Variants in BTK observed in about 807,000 individuals in gnomAD.
The protein encoded by BTK is Bruton tyrosine kinase.
BTK carries 5 observed loss-of-function variants against 57.4 expected under a neutral mutation model. The observed-to-expected ratio is 0.09, with a 90% confidence interval of 0.05 to 0.18. The LOEUF (loss-of-function observed/expected upper bound fraction) is 0.18, where lower values mean the gene tolerates loss of function less well. BTK is among the 10% of genes least tolerant of loss of function. BTK has a pLI of 1.00. For synonymous variants in BTK, 154 were observed against 174.3 expected, an observed-to-expected ratio of 0.88 and a Z score of 0.92; for missense variants, 194 against 501.2, an observed-to-expected ratio of 0.39 and a Z score of 5.85.
chrX:101,388,516 C>CG (rs782232627), upstream of BTK, among the ~76,000 whole-genome samples: 14 of 111,688 alleles, frequency 1.3e-4, no homozygotes, highest in Non-Finnish European at 2.3e-4. Context: ...AAAAGTAGCC[C>CG]GGTTAGTCTA....
upstream of BTK, among the ~76,000 whole-genome samples, chrX:101,387,720 A>G (rs1428845605): frequency 1.8e-5 from 2 of 110,815 alleles, no homozygotes; most frequent in Non-Finnish European, 3.8e-5. Context: ...TGATACTCAC[A>G]TTTGCACAAG....
intron 1 of BTK, chrX:101,377,731 T>C (rs2147450672): frequency 8.9e-6 from 1 of 111,850 alleles, no homozygotes; most frequent in Non-Finnish European, 1.9e-5. Flanking sequence ...GGTTTAGTGC[T>C]GCTCTGACTA....
At chrX:101,351,548 C>T (rs1926286942) in intron 18 of BTK, among the ~76,000 whole-genome samples, 2 of 111,381 alleles carry the variant, frequency 1.8e-5, no homozygotes, top group Non-Finnish European at 3.8e-5. Flanking sequence ...TGCTCGGATC[C>T]AGATACCCAC....
intron 15 of BTK, 162 bp downstream of exon 15, chrX:101,355,890 G>A: frequency 1.8e-6 from 1 of 550,778 alleles, no homozygotes; most frequent in Non-Finnish European, 3.1e-6. Flanking sequence ...GATATTTGAT[G>A]GGCTCAGCAC....
rs782362771 is a variant in BTK, at chrX:101,381,292, TCTC to T, written c.-31+4767_-31+4769del. 1.5e-4 allele frequency among the ~76,000 whole-genome samples: 17 copies of T among 111,848 alleles called. 3 individuals are homozygous for T. In the East Asian group the frequency reaches 1.7e-3, roughly 11 times the overall value. ...TTGATTTTTTGATCTCAGAATGAAT[TCTC>T]AGTTACTTAGACAAACTGGCAAACC... On this transcript the variant is annotated intron_variant, in intron 1 of 18. Coordinates refer to ENST00000308731, the MANE Select transcript of BTK (RefSeq NM_000061.3).
At chrX:101,373,466 A>G (rs1927103863) in intron 3 of BTK, among the ~76,000 whole-genome samples, 1 of 112,063 alleles carries the variant, frequency 8.9e-6, no homozygotes, top group African/African-American at 3.2e-5. Context: ...AAGAATATCT[A>G]TTGTCATGGG....
intron 12 of BTK, among the ~76,000 whole-genome samples, chrX:101,357,978 A>G (rs1308675313): frequency 9.0e-6 from 1 of 111,514 alleles, no homozygotes; most frequent in African/African-American, 3.3e-5. Flanking sequence ...AAGGACCTCG[A>G]CTCAGAATGT....
rs1350973568 is a variant in BTK, at chrX:101,359,229, G to A, written c.894+64C>T. On this transcript the variant is annotated intron_variant, in intron 10 of 18. Coordinates refer to ENST00000308731, the MANE Select transcript of BTK (RefSeq NM_000061.3). ...TGCCCAAAGGTAGGGGGCAGAACAG[G>A]CCCTCAGTTCAAGATCCTCACTTAT... 5 of 1,131,938 alleles carry A rather than the reference G, an allele frequency of 4.4e-6. No individual in the cohort carries two copies. The African/African-American group carries it at 9.0e-5, about 20-fold the overall frequency. 93.3% of individuals were successfully genotyped at this position (1,131,938 alleles called of 1,213,427 possible). A position where few individuals can be genotyped will look rare whatever the true frequency, so the allele number is the denominator to read the frequency against.
At chrX:101,390,214 T>C (rs1555982990), upstream of BTK, among the ~76,000 whole-genome samples, 2 of 112,097 alleles carry the variant, frequency 1.8e-5, no homozygotes, top group African/African-American at 6.5e-5. Context: ...CCCTGAAGTC[T>C]TTCTATGCTG....
At chrX:101,390,347 CT>C (rs1927740836), upstream of BTK, 4 of 435,238 alleles carry the variant, frequency 9.2e-6, no homozygotes, top group African/African-American at 2.4e-5. Flanking sequence ...TTCATTGTCA[CT>C]TTTCAGAACC....
intron 1 of BTK, among the ~76,000 whole-genome samples, chrX:101,384,885 T>A (rs1422859524): frequency 2.7e-5 from 3 of 111,622 alleles, no homozygotes; most frequent in Non-Finnish European, 5.6e-5. Context: ...TTGATTGGGG[T>A]CACCAATCAC....
intron 5 of BTK, among the ~76,000 whole-genome samples, chrX:101,366,706 C>T (rs782697918): frequency 1.6e-4 from 17 of 109,187 alleles, no homozygotes; most frequent in Non-Finnish European, 3.1e-4. Flanking sequence ...TAGCCCAGGA[C>T]GGTTCAACAA....
At chrX:101,378,747 C>T (rs939432130) in intron 1 of BTK, among the ~76,000 whole-genome samples, 4 of 111,679 alleles carry the variant, frequency 3.6e-5, no homozygotes, top group South Asian at 3.7e-4. Context: ...TTCAGAAAGA[C>T]GAAGCTTATT....
intron 7 of BTK, among the ~76,000 whole-genome samples, chrX:101,361,207 CTG>C (rs1167137578): frequency 1.8e-5 from 2 of 109,779 alleles, no homozygotes; most frequent in African/African-American, 6.7e-5. Flanking sequence ...CAGAGTGAGA[CTG>C]TCTCAAAAAA....
chrX:101,382,893 A>G (rs1983121080), intron 1 of BTK, among the ~76,000 whole-genome samples: 3 of 111,297 alleles, frequency 2.7e-5, no homozygotes, highest in South Asian at 7.6e-4. Flanking sequence ...AGCTGGGTGC[A>G]GTGGGGTGCA....
intron 2 of BTK, 74 bp downstream of exon 2, chrX:101,375,070 C>T: frequency 8.5e-7 from 1 of 1,178,309 alleles, no homozygotes; most frequent in South Asian, 1.8e-5. Flanking sequence ...CGAAAATTTA[C>T]CTCTTCCCCA....
At chrX:101,352,921 C>T in intron 18 of BTK, 1 of 254,507 alleles carries the variant, frequency 3.9e-6, no homozygotes, top group Non-Finnish European at 6.8e-6. Flanking sequence ...AAAAAATTAG[C>T]TTGGTGTGGT....
chrX:101,364,745 G>A (rs781848967), intron 5 of BTK, among the ~76,000 whole-genome samples: 11 of 109,610 alleles, frequency 1.0e-4, no homozygotes, highest in Non-Finnish European at 2.1e-4. Context: ...TGCATAGAGG[G>A]AATTTTTTTT....
intron 5 of BTK, 191 bp from the exon 6 acceptor site, chrX:101,362,880 G>T: frequency 1.9e-6 from 1 of 522,137 alleles, no homozygotes. Flanking sequence ...GTCCCAGACA[G>T]TTCCTGTGCA....
Sources: allele counts gnomAD v4.1 joint callset (sites outside exome capture counted in the v4.1 genomes callset), GRCh38; gene constraint gnomAD v4.1.1; transcripts MANE v1.5; gene names NCBI Gene and HGNC (gene_info 2026-07-23, HGNC 2026-07-21).